Variants in SPP2 observed in about 807,000 individuals in gnomAD.
The protein encoded by SPP2 is secreted phosphoprotein 24.
A neutral mutation model predicts 28.8 loss-of-function variants in SPP2; 34 were observed. The ratio of observed to expected loss-of-function variants is 1.18; its 90% CI spans 0.90 to 1.57. The LOEUF is 1.57. Among genes scored for constraint, SPP2 ranks in the 40% most tolerant of loss-of-function variants. The probability of loss-of-function intolerance (pLI) is 0.00; values close to 1 mark genes in which losing one functional copy is unlikely to be tolerated. For missense variants in SPP2, 269 were observed against 263.9 expected, an observed-to-expected ratio of 1.02 and a Z score of -0.13; for synonymous variants, 96 against 89.4, an observed-to-expected ratio of 1.07 and a Z score of -0.42.
At chr2:234,052,353 G>T (rs1267246566) in intron 2 of SPP2, among the ~76,000 whole-genome samples, 2 of 152,060 alleles carry the variant, frequency 1.3e-5, no homozygotes, top group Admixed American at 1.3e-4. Flanking sequence ...GTGGAATCGG[G>T]GTCTTTTTGC....
intron 2 of SPP2, among the ~76,000 whole-genome samples, chr2:234,052,429 T>C (rs945070215): frequency 6.6e-6 from 1 of 152,208 alleles, no homozygotes; most frequent in Non-Finnish European, 1.5e-5. Flanking sequence ...AGAAGAAAGT[T>C]AGCAGTTTAT....
At chr2:234,070,135 T>A in intron 7 of SPP2, 112 bp downstream of exon 7, 2 of 807,318 alleles carry the variant, frequency 2.5e-6, no homozygotes, top group South Asian at 3.1e-5. Flanking sequence ...AAATCCTTGC[T>A]TTTCGGCTTC....
intron 6 of SPP2, among the ~76,000 whole-genome samples, chr2:234,069,393 T>A (rs750217122): frequency 2.5e-4 from 38 of 152,324 alleles, no homozygotes; most frequent in Middle Eastern, 3.4e-3. Context: ...AAACTGATTA[T>A]TGTATTGGAC....
At chr2:234,068,332 T>A (rs1559177657) in intron 6 of SPP2, among the ~76,000 whole-genome samples, 1 of 152,220 alleles carries the variant, frequency 6.6e-6, no homozygotes, top group African/African-American at 2.4e-5. Context: ...AGTGAGTTCC[T>A]GTAATTTGCT....
intron 4 of SPP2, among the ~76,000 whole-genome samples, chr2:234,063,495 T>A (rs1333200986): frequency 6.6e-6 from 1 of 152,224 alleles, no homozygotes; most frequent in East Asian, 1.9e-4. Context: ...TTTTTTAAAG[T>A]ATAGTAACAA....
At chr2:234,056,716 T>C (rs1210668447) in intron 2 of SPP2, among the ~76,000 whole-genome samples, 1 of 152,184 alleles carries the variant, frequency 6.6e-6, no homozygotes, top group Admixed American at 6.5e-5. Context: ...TATTTTTTAA[T>C]TTTTTAATGA....
intron 4 of SPP2, among the ~76,000 whole-genome samples, 193 bp from the exon 5 acceptor site, chr2:234,066,340 C>G (rs1559176540): frequency 6.6e-6 from 1 of 152,292 alleles, no homozygotes; most frequent in Middle Eastern, 3.4e-3. Flanking sequence ...GTAGTTTGCT[C>G]TTCCCCATGT....
At chr2:234,058,992 A>G in intron 3 of SPP2, 34 bp downstream of exon 3, 4 of 1,595,112 alleles carry the variant, frequency 2.5e-6, no homozygotes, top group Non-Finnish European at 8.5e-7. Flanking sequence ...AGAAATGAAC[A>G]AAAGGAAGAG....
chr2:234,067,350 A>T lies in SPP2; in HGVS notation c.550+76A>T, dbSNP rs1693843050. On this transcript the variant is annotated intron_variant, in intron 6 of 7. Coordinates refer to ENST00000168148, the MANE Select transcript of SPP2 (RefSeq NM_006944.3). Reference sequence around the variant, plus strand: ...GGACTCCTGAGAAATCCTATTTCATAGCTGTTTCCTGTTTCATAGGAGTTA... The same window carrying T: ...GGACTCCTGAGAAATCCTATTTCATTGCTGTTTCCTGTTTCATAGGAGTTA... 29 of 1,340,344 alleles carry T rather than the reference A, an allele frequency of 2.2e-5. No individual in the cohort carries two copies. The South Asian group carries it at 3.3e-4, about 15-fold the overall frequency. 83.0% of individuals were successfully genotyped at this position (1,340,344 alleles called of 1,614,324 possible).
chr2:234,058,892 G>A lies in SPP2; in HGVS notation c.267G>A (p.Glu89=), dbSNP rs1161745942. 1.2e-6 allele frequency: 2 copies of A among 1,614,118 alleles called. No homozygotes were observed. The highest frequency in any genetic ancestry group is 3.3e-5 in the Admixed American group (2 of 60,022). Residue 89 remains glutamate (E), a synonymous_variant, in exon 3 of 8, where the codon GAG becomes GAA. Transcript: ENST00000168148. ...LVMNLEFSIR[E]TTCRKDSGED... ...TGAATTTAGAGTTCAGCATCCGGGA[G>A]ACTACATGCAGGAAGGATTCTGGAG...
At chr2:234,059,034 A>G in intron 3 of SPP2, 76 bp downstream of exon 3, 1 of 1,543,066 alleles carries the variant, frequency 6.5e-7, no homozygotes, top group African/African-American at 1.4e-5. Context: ...GAGTCACACA[A>G]AGAACTTGGT....
chr2:234,068,707 T>G (rs1693875196), intron 6 of SPP2, among the ~76,000 whole-genome samples: 1 of 151,856 alleles, frequency 6.6e-6, no homozygotes, highest in Non-Finnish European at 1.5e-5. Context: ...CATGGCTTTT[T>G]TTTTTTTTTT....
At chr2:234,065,486 G>T (rs1228846785) in intron 4 of SPP2, among the ~76,000 whole-genome samples, 1 of 152,128 alleles carries the variant, frequency 6.6e-6, no homozygotes, top group Admixed American at 6.5e-5. Context: ...TGCCATGTTG[G>T]CCTGCCTGGT....
At chr2:234,067,190 G>A (rs1177255546) in intron 5 of SPP2, 34 bp from the exon 6 acceptor site, 3 of 1,587,478 alleles carry the variant, frequency 1.9e-6, no homozygotes, top group Admixed American at 1.7e-5. Flanking sequence ...AACAGTGAGA[G>A]GAGTCTTGTC....
chr2:234,068,065 G>A (rs1693862927), intron 6 of SPP2, among the ~76,000 whole-genome samples: 2 of 152,030 alleles, frequency 1.3e-5, no homozygotes, highest in Non-Finnish European at 2.9e-5. Context: ...TCACCAAATG[G>A]ATGAAACAAA....
chr2:234,068,147 T>A (rs1020034717), intron 6 of SPP2, among the ~76,000 whole-genome samples: 1 of 152,216 alleles, frequency 6.6e-6, no homozygotes, highest in Non-Finnish European at 1.5e-5. Flanking sequence ...CAACCACGTG[T>A]GTTACCTGCT....
rs1376035537 is a variant in SPP2 at position 234,066,575 on chromosome 2, A to G, written c.487A>G (p.Asn163Asp). Reference sequence around the variant, plus strand: ...GTTGGGATCTCATAAATGGAGAAACAATTATCTATTTGGTAAGTTAAGATC... The same window carrying G: ...GTTGGGATCTCATAAATGGAGAAACGATTATCTATTTGGTAAGTTAAGATC... ...DMLGSHKWRNNYLFGLISDES... is the reference protein window; with the variant it reads ...DMLGSHKWRNDYLFGLISDES... The change falls in exon 5 of 8, where the codon AAT (asparagine) becomes GAT (aspartate). Residue 163 changes from asparagine (N) to aspartate (D), a missense_variant. By Grantham distance (23) the Asn-to-Asp change is conservative (BLOSUM62 1). Coordinates refer to ENST00000168148, the MANE Select transcript of SPP2 (RefSeq NM_006944.3). 1.2e-6 allele frequency: 2 copies of G among 1,611,830 alleles called. No homozygotes were observed. Among genetic ancestry groups the G allele is most frequent in the Admixed American group, 3.3e-5 (2 of 59,960 alleles).
intron 6 of SPP2, among the ~76,000 whole-genome samples, chr2:234,068,814 A>G (rs1231591755): frequency 6.6e-6 from 1 of 151,998 alleles, no homozygotes; most frequent in Admixed American, 6.6e-5. Context: ...TCAGATTAAT[A>G]ATCAACTTGG....
At chr2:234,063,160 G>GA (rs1173164555) in intron 4 of SPP2, among the ~76,000 whole-genome samples, 1 of 151,028 alleles carries the variant, frequency 6.6e-6, no homozygotes, top group Non-Finnish European at 1.5e-5. Flanking sequence ...CATTCTCAGT[G>GA]AAAAAAAATG....
Sources: gnomAD v4.1 joint callset for allele counts (sites outside exome capture counted in the v4.1 genomes callset) on GRCh38, gnomAD v4.1.1 for gene constraint, MANE v1.5 for transcripts, NCBI Gene and HGNC (gene_info 2026-07-23, HGNC 2026-07-21) for gene names.